Variants in KCNAB1 observed in about 807,000 individuals in gnomAD.
KCNAB1 encodes the protein voltage-gated potassium channel subunit beta-1.
KCNAB1 carries 35 observed loss-of-function variants against 64.6 expected under a neutral mutation model. That is an observed-to-expected ratio of 0.54 (90% confidence interval 0.41 to 0.72). The LOEUF is 0.72. Ranked by LOEUF, KCNAB1 falls within the 30% of genes least tolerant of loss-of-function variation. KCNAB1 has a pLI of 0.00. For missense variants in KCNAB1, 401 were observed against 512.9 expected, an observed-to-expected ratio of 0.78 and a Z score of 2.11; for synonymous variants, 177 against 183.8, an observed-to-expected ratio of 0.96 and a Z score of 0.30.
At chr3:156,395,125 G>A (rs16826083) in intron 1 of KCNAB1, among the ~76,000 whole-genome samples, 51,590 of 152,018 alleles carry the variant, frequency 0.34, 12,205 homozygotes, top group African/African-American at 0.68. Flanking sequence ...TGTTGTGATC[G>A]TTTTTCCAGA....
intron 1 of KCNAB1, among the ~76,000 whole-genome samples, chr3:156,307,568 C>T (rs1290648326): frequency 6.6e-6 from 1 of 152,012 alleles, no homozygotes; most frequent in Non-Finnish European, 1.5e-5. Flanking sequence ...AAATCAAGGG[C>T]TGTGAAATCA....
chr3:156,145,291 G>C (rs1329407105), intron 1 of KCNAB1, among the ~76,000 whole-genome samples: 1 of 152,178 alleles, frequency 6.6e-6, no homozygotes, highest in Non-Finnish European at 1.5e-5. Context: ...AAATTATGAT[G>C]AGCTTGTGCT....
chr3:156,457,574 G>A (rs1201456497), intron 4 of KCNAB1, 42 bp downstream of exon 4: 2 of 1,532,674 alleles, frequency 1.3e-6, no homozygotes, highest in Admixed American at 1.7e-5. Flanking sequence ...GGCATCTGTA[G>A]CACCAAAAGA....
intron 11 of KCNAB1, among the ~76,000 whole-genome samples, chr3:156,517,446 A>G (rs1373981298): frequency 6.6e-6 from 1 of 152,236 alleles, no homozygotes; most frequent in Admixed American, 6.5e-5. Flanking sequence ...CAATTTTCCT[A>G]GAATATTAAA....
At chr3:156,157,309 C>T (rs1031516015) in intron 1 of KCNAB1, among the ~76,000 whole-genome samples, 1 of 152,178 alleles carries the variant, frequency 6.6e-6, no homozygotes, top group Non-Finnish European at 1.5e-5. Flanking sequence ...AGCAGCATCT[C>T]TGAATTTCCT....
chr3:156,377,454 A>G (rs141227668), intron 1 of KCNAB1, among the ~76,000 whole-genome samples: 211 of 152,206 alleles, frequency 1.4e-3, no homozygotes, highest in African/African-American at 4.7e-3. Context: ...GAGAAAACAG[A>G]CCAATGGTTG....
intron 1 of KCNAB1, among the ~76,000 whole-genome samples, chr3:156,218,340 C>A (rs184988512): frequency 1.3e-5 from 2 of 152,336 alleles, no homozygotes; most frequent in Non-Finnish European, 2.9e-5. Context: ...CCACAGCAAG[C>A]CCTGCCAAAG....
intron 1 of KCNAB1, among the ~76,000 whole-genome samples, chr3:156,166,128 A>G (rs1172427199): frequency 2.0e-5 from 3 of 152,226 alleles, no homozygotes; most frequent in African/African-American, 7.2e-5. Flanking sequence ...AGGGAAAGTA[A>G]TATGCCACGA....
chr3:156,415,474 G>A (rs1057275141), intron 1 of KCNAB1, among the ~76,000 whole-genome samples: 5 of 152,006 alleles, frequency 3.3e-5, no homozygotes, highest in African/African-American at 4.8e-5. Flanking sequence ...CACTCAGCCC[G>A]GCTTCCCATC....
chr3:156,460,084 C>T (rs1245923505), intron 5 of KCNAB1: 5 of 499,558 alleles, frequency 1.0e-5, no homozygotes, highest in African/African-American at 4.0e-5. Context: ...CAATGAATTA[C>T]CAAAGAGTTG....
intron 1 of KCNAB1, among the ~76,000 whole-genome samples, chr3:156,333,290 G>A (rs1723461920): frequency 1.3e-5 from 2 of 148,498 alleles, no homozygotes; most frequent in Admixed American, 6.7e-5. Context: ...AACAGTCCAC[G>A]CACATACCAG....
chr3:156,480,914 T>A (rs1714751234), intron 8 of KCNAB1, among the ~76,000 whole-genome samples: 1 of 152,134 alleles, frequency 6.6e-6, no homozygotes. Flanking sequence ...GATGAATGAC[T>A]GAGCAAGTGT....
intron 1 of KCNAB1, among the ~76,000 whole-genome samples, chr3:156,316,923 T>C (rs2108017356): frequency 6.6e-6 from 1 of 152,210 alleles, no homozygotes; most frequent in East Asian, 1.9e-4. Context: ...CAGAAGCAAA[T>C]GGAGAATAAC....
chr3:156,138,279 C>T (rs539487406), intron 1 of KCNAB1, among the ~76,000 whole-genome samples: 5 of 152,258 alleles, frequency 3.3e-5, no homozygotes, highest in East Asian at 3.9e-4. Context: ...TGAGCAAACA[C>T]GTGAACAAGA....
chr3:156,298,310 G>A (rs558426557), intron 1 of KCNAB1, among the ~76,000 whole-genome samples: 7 of 152,332 alleles, frequency 4.6e-5, no homozygotes, highest in Admixed American at 3.3e-4. Context: ...ATGTGCGCAC[G>A]TGGACGTGAA....
At chr3:156,151,139 G>A (rs1027204858) in intron 1 of KCNAB1, among the ~76,000 whole-genome samples, 4 of 152,214 alleles carry the variant, frequency 2.6e-5, no homozygotes, top group South Asian at 2.1e-4. Context: ...TGGACTGCAC[G>A]GGAGAAGGCC....
chr3:156,158,360 C>T (rs868075335), intron 1 of KCNAB1, among the ~76,000 whole-genome samples: 19 of 151,876 alleles, frequency 1.3e-4, no homozygotes, highest in African/African-American at 4.6e-4. Flanking sequence ...TGTTGGGATT[C>T]GTTAGTCATA....
intron 8 of KCNAB1, among the ~76,000 whole-genome samples, chr3:156,501,422 C>CTTTTTT: frequency 1.2e-5 from 1 of 82,524 alleles, no homozygotes; most frequent in Non-Finnish European, 2.3e-5. Context: ...GACTTAGTAC[C>CTTTTTT]TTTTTTTTTT....
intron 1 of KCNAB1, among the ~76,000 whole-genome samples, chr3:156,197,906 G>T (rs966636413): frequency 6.6e-6 from 1 of 151,986 alleles, no homozygotes; most frequent in African/African-American, 2.4e-5. Context: ...GATCTTTCTC[G>T]CTTTCTGATC....
Sources: allele counts gnomAD v4.1 joint callset (sites outside exome capture counted in the v4.1 genomes callset), GRCh38; gene constraint gnomAD v4.1.1; transcripts MANE v1.5; gene names NCBI Gene and HGNC (gene_info 2026-07-23, HGNC 2026-07-21).